The following CABP5 variants were observed in gnomAD, a reference collection of about 807,000 sequenced individuals.
The protein encoded by CABP5 is calcium-binding protein 5.
In CABP5, 17 loss-of-function variants were observed where a neutral mutation model predicts 21.9. The ratio of observed to expected loss-of-function variants is 0.78; its 90% CI spans 0.53 to 1.17. CABP5 has a LOEUF of 1.17. CABP5 is among the 50% of genes most tolerant of loss of function. The pLI, the probability that CABP5 is intolerant of heterozygous loss-of-function variation, is 0.00. For synonymous variants in CABP5, 85 were observed against 79.4 expected (o/e 1.07, Z -0.37); for missense variants, 229 against 228.9 (o/e 1.00, Z 0.00).
At chr19:48,037,259 C>CTTTTTTTTTTTTTT (rs57230665) in intron 4 of CABP5, among the ~76,000 whole-genome samples, 472 of 44,968 alleles carry the variant, frequency 0.01, 131 homozygotes, top group Middle Eastern at 0.028. Flanking sequence ...TACTATTCAG[C>CTTTTTTTTTTTTTT]TTTTTTTTTT....
chr19:48,042,147 G>A (rs1382821634), intron 1 of CABP5, among the ~76,000 whole-genome samples: 5 of 152,090 alleles, frequency 3.3e-5, no homozygotes, highest in Non-Finnish European at 7.4e-5. Flanking sequence ...GCATTCACCT[G>A]CTCCCTGGAG....
intron 1 of CABP5, among the ~76,000 whole-genome samples, chr19:48,042,551 C>T (rs1967494004): frequency 6.7e-6 from 1 of 149,714 alleles, no homozygotes; most frequent in African/African-American, 2.5e-5. Context: ...CTTGCGGTCC[C>T]TTATCACCCT....
At chr19:48,041,275 G>A (rs1967478868) in intron 2 of CABP5, 3 of 455,748 alleles carry the variant, frequency 6.6e-6, no homozygotes, top group East Asian at 4.5e-5. Flanking sequence ...TGAGAGCACT[G>A]GCGTCCTTCA....
At chr19:48,041,031 G>A (rs569714744) in intron 2 of CABP5, among the ~76,000 whole-genome samples, 1 of 147,944 alleles carries the variant, frequency 6.8e-6, no homozygotes, top group Non-Finnish European at 1.5e-5. Flanking sequence ...AAAAAAATTA[G>A]CTGGGCATGG....
intron 3 of CABP5, 37 bp downstream of exon 3, chr19:48,040,568 C>A (rs1457149897): frequency 6.2e-7 from 1 of 1,612,324 alleles, no homozygotes; most frequent in Non-Finnish European, 8.5e-7. Flanking sequence ...TGATCCCTTC[C>A]CTAACCCCGG....
chr19:48,031,013 T>C (rs1173470867), intron 5 of CABP5, among the ~76,000 whole-genome samples: 1 of 152,122 alleles, frequency 6.6e-6, no homozygotes, highest in African/African-American at 2.4e-5. Flanking sequence ...CTCAGAACCG[T>C]GCCTGCCATC....
chr19:48,036,949 T>C (rs1231722411), intron 4 of CABP5, among the ~76,000 whole-genome samples: 1 of 152,200 alleles, frequency 6.6e-6, no homozygotes, highest in Non-Finnish European at 1.5e-5. Flanking sequence ...TAACAAGTGT[T>C]GGTGAGGATG....
chr19:48,037,342 C>T (rs1235651244), intron 4 of CABP5, among the ~76,000 whole-genome samples: 2 of 125,784 alleles, frequency 1.6e-5, no homozygotes, highest in Non-Finnish European at 3.2e-5. Context: ...GATCTTGGCT[C>T]ACTGCAACCT....
intron 3 of CABP5, among the ~76,000 whole-genome samples, chr19:48,039,703 CTTT>C (rs772482700): frequency 3.0e-4 from 18 of 59,226 alleles, no homozygotes; most frequent in Admixed American, 1.1e-3. Context: ...AACCCAATAG[CTTT>C]TTTTTTTTTT....
Position 48,031,111 on chromosome 19 carries a change from T to C in CABP5, c.497-529A>G, listed in dbSNP as rs927376807. Among the ~76,000 whole-genome samples, 5 of 152,236 alleles carry C rather than the reference T, an allele frequency of 3.3e-5. No homozygotes were observed. The East Asian group carries it at 9.6e-4, about 29-fold the overall frequency. ...CAGTATGTTGCAGTTTCTTCATTTCTGTTATGAAAATAATCTTGCATGTAA... is the reference window on the plus strand; with the variant it reads ...CAGTATGTTGCAGTTTCTTCATTTCCGTTATGAAAATAATCTTGCATGTAA... On this transcript the variant is annotated intron_variant, in intron 5 of 5. Transcript: ENST00000293255.
intron 4 of CABP5, among the ~76,000 whole-genome samples, chr19:48,037,285 T>TTTTTTTTTG (rs1967422079): frequency 6.8e-5 from 9 of 131,574 alleles, no homozygotes; most frequent in Non-Finnish European, 1.3e-4. Context: ...TTTTTTTTTT[T>TTTTTTTTTG]GAGGTGGAGT....
At chr19:48,042,205 C>G (rs1967489982) in intron 1 of CABP5, among the ~76,000 whole-genome samples, 1 of 152,172 alleles carries the variant, frequency 6.6e-6, no homozygotes, top group South Asian at 2.1e-4. Flanking sequence ...TTCAGGGCTC[C>G]TGACTCCCAA....
At chr19:48,043,787 G>T in intron 1 of CABP5, 73 bp downstream of exon 1, 2 of 1,254,960 alleles carry the variant, frequency 1.6e-6, no homozygotes, top group Non-Finnish European at 1.1e-6. Flanking sequence ...GCACCATCAT[G>T]TCCCCTTCTT....
rs1008763380 is a variant in CABP5, at chr19:48,030,051, G to A, written c.*506C>T. The stretch of plus-strand genomic sequence containing the variant: ...ATATATTGCGTAGTGGTGAAGTCTG[G>A]GCTGTTCATGTAACCATCACCTGAA... On this transcript the variant is annotated 3_prime_UTR_variant, in exon 6 of 6. Coordinates refer to ENST00000293255, the MANE Select transcript of CABP5 (RefSeq NM_019855.5). 1 of 153,974 alleles carries A rather than the reference G, an allele frequency of 6.5e-6. No individual in the cohort carries two copies. Among genetic ancestry groups the A allele is most frequent in the Non-Finnish European group, 1.4e-5 (1 of 69,432 alleles). The allele number at this position is 153,974 out of a possible 1,614,324, so 9.5% of individuals were successfully genotyped here. A position where few individuals can be genotyped will look rare whatever the true frequency, so the allele number is the denominator to read the frequency against.
intron 4 of CABP5, among the ~76,000 whole-genome samples, chr19:48,038,163 C>T (rs1380723302): frequency 3.3e-5 from 5 of 152,144 alleles, no homozygotes; most frequent in Admixed American, 3.3e-4. Flanking sequence ...GATCCACCTG[C>T]ATCGGCCTCC....
intron 5 of CABP5, among the ~76,000 whole-genome samples, chr19:48,031,413 G>A (rs1259370769): frequency 7.2e-5 from 11 of 152,052 alleles, no homozygotes; most frequent in Admixed American, 2.6e-4. Context: ...GGTGGCGGGC[G>A]CCTGTAATCC....
rs901941370 is a variant in CABP5 at position 48,030,199 on chromosome 19, T to G, written c.*358A>C. Reference sequence around the variant, plus strand: ...ATACCCAACAGGAGAAGAGACTATTTTCACCCAAGGGGAAGCTGGGGAAGA... The same window carrying G: ...ATACCCAACAGGAGAAGAGACTATTGTCACCCAAGGGGAAGCTGGGGAAGA... On this transcript the variant is annotated 3_prime_UTR_variant, in exon 6 of 6. Coordinates refer to ENST00000293255, the MANE Select transcript of CABP5 (RefSeq NM_019855.5). The G allele has an allele frequency of 4.1e-6, 1 of 243,056 alleles. No individual in the cohort carries two copies. The highest frequency in any genetic ancestry group is 7.8e-6 in the Non-Finnish European group (1 of 127,830). The allele number at this position is 243,056 out of a possible 1,614,324, so 15.1% of individuals were successfully genotyped here.
rs1224439008 is a variant in CABP5 at position 48,029,828 on chromosome 19, G to GAGAGAGAGAGAGACAGAGAGAGAC, written c.*728_*729insGTCTCTCTCTGTCTCTCTCTCTCT. 18 of 150,526 alleles carry GAGAGAGAGAGAGACAGAGAGAGAC rather than the reference G, an allele frequency of 1.2e-4. No individual in the cohort carries two copies. The highest frequency in any genetic ancestry group is 4.5e-4 in the African/African-American group (18 of 40,400). 9.3% of individuals were successfully genotyped at this position (150,526 alleles called of 1,614,324 possible). ...AGAGAGAGAGAGAGAGAGAGAGAGA[G>GAGAGAGAGAGAGACAGAGAGAGAC]AGAGAGAGAAACCAGACAGTGCTTC... On this transcript the variant is annotated 3_prime_UTR_variant, in exon 6 of 6. Transcript: ENST00000293255.
chr19:48,031,227 C>T (rs886338880), intron 5 of CABP5, among the ~76,000 whole-genome samples: 3 of 152,024 alleles, frequency 2.0e-5, no homozygotes, highest in Non-Finnish European at 4.4e-5. Context: ...GCTCACAAAA[C>T]AGATTAAGTA....
Sources: allele counts gnomAD v4.1 joint callset (sites outside exome capture counted in the v4.1 genomes callset), GRCh38; gene constraint gnomAD v4.1.1; transcripts MANE v1.5; gene names NCBI Gene and HGNC (gene_info 2026-07-23, HGNC 2026-07-21).